Variants in ST6GAL1 observed in about 807,000 individuals in gnomAD.
ST6GAL1 encodes beta-galactoside alpha-2,6-sialyltransferase 1.
In ST6GAL1, 20 loss-of-function variants were observed where a neutral mutation model predicts 38.0. That is an observed-to-expected ratio of 0.53 (90% CI 0.37 to 0.77). The LOEUF (loss-of-function observed/expected upper bound fraction) is 0.77, where lower values mean the gene tolerates loss of function less well. Ranked by LOEUF, ST6GAL1 falls within the 30% of genes least tolerant of loss-of-function variation. The pLI, the probability that ST6GAL1 is intolerant of heterozygous loss-of-function variation, is 0.00. For missense variants in ST6GAL1, 432 were observed against 496.4 expected, an observed-to-expected ratio of 0.87 and a Z score of 1.23; for synonymous variants, 196 against 188.2, an observed-to-expected ratio of 1.04 and a Z score of -0.34.
At chr3:186,940,288 GT>G (rs58481671) in intron 1 of ST6GAL1, among the ~76,000 whole-genome samples, 59,415 of 150,630 alleles carry the variant, frequency 0.39, 12,395 homozygotes, top group South Asian at 0.56. Flanking sequence ...AAATGAAATG[GT>G]TTTTTTTTTA....
chr3:186,987,202 A>G (rs187047854), intron 2 of ST6GAL1, among the ~76,000 whole-genome samples: 3,794 of 128,296 alleles, frequency 0.03, 65 homozygotes, highest in Non-Finnish European at 0.035. Context: ...GAGGGAGGGA[A>G]GGAAAGAAAA....
At chr3:187,063,074 T>G (rs1176063159) in intron 5 of ST6GAL1, among the ~76,000 whole-genome samples, 1 of 152,254 alleles carries the variant, frequency 6.6e-6, no homozygotes, top group Non-Finnish European at 1.5e-5. Flanking sequence ...GCTGAATACT[T>G]AAAGTTGCTA....
intron 2 of ST6GAL1, among the ~76,000 whole-genome samples, chr3:186,967,270 C>T (rs1715170997): frequency 1.3e-5 from 2 of 152,204 alleles, no homozygotes; most frequent in South Asian, 2.1e-4. Flanking sequence ...CAGCTCACTG[C>T]AACCTCCGCC....
At chr3:187,055,271 AT>A (rs1208491730) in intron 5 of ST6GAL1, among the ~76,000 whole-genome samples, 1 of 147,200 alleles carries the variant, frequency 6.8e-6, no homozygotes, top group Admixed American at 6.8e-5. Flanking sequence ...GGATTCATTG[AT>A]TTTTTTGAAG....
At chr3:186,962,067 G>A (rs1175951960) in intron 1 of ST6GAL1, among the ~76,000 whole-genome samples, 3 of 152,178 alleles carry the variant, frequency 2.0e-5, no homozygotes, top group Admixed American at 6.5e-5. Flanking sequence ...CAAAGTGCCC[G>A]AAGCCTCAAG....
In ST6GAL1 at chr3:187,041,141, T is replaced by C. The variant is rs535792039; in HGVS notation, c.-50-1513T>C. The stretch of plus-strand genomic sequence containing the variant: ...TCTAGTTCAAATCCAATGAATACCA[T>C]GCTCTTGTTTTGCCCTCCCAACACT... On this transcript the variant is annotated intron_variant, in intron 3 of 7. Transcript: ENST00000169298. 8.5e-5 allele frequency among the ~76,000 whole-genome samples: 13 copies of C among 152,308 alleles called. No individual in the cohort carries two copies. The South Asian group carries it at 2.3e-3, about 27-fold the overall frequency.
At position 187,076,803 on chromosome 3, in the gene ST6GAL1, A is replaced by G. The variant is rs1165671515; in HGVS notation, c.*1000A>G. ...TATTTTTTTAGGAAACCTCCTACCCATGTCTGAGGTAGCAAGTGCAGCCTC... is the reference window on the plus strand; with the variant it reads ...TATTTTTTTAGGAAACCTCCTACCCGTGTCTGAGGTAGCAAGTGCAGCCTC... On this transcript the variant is annotated 3_prime_UTR_variant, in exon 8 of 8. Coordinates refer to ENST00000169298, the MANE Select transcript of ST6GAL1 (RefSeq NM_173216.2). 2 of 398,868 alleles carry G rather than the reference A, an allele frequency of 5.0e-6. No individual in the cohort carries two copies. Among genetic ancestry groups the G allele is most frequent in the Non-Finnish European group, 8.8e-6 (2 of 226,046 alleles). The allele number at this position is 398,868 out of a possible 1,614,324, so 24.7% of individuals were successfully genotyped here.
At chr3:186,956,238 C>T (rs1714745912) in intron 1 of ST6GAL1, among the ~76,000 whole-genome samples, 3 of 152,096 alleles carry the variant, frequency 2.0e-5, no homozygotes, top group Admixed American at 6.5e-5. Context: ...CACAAACAAG[C>T]CCTTATCTGC....
chr3:186,941,367 C>T (rs1714165520), intron 1 of ST6GAL1, among the ~76,000 whole-genome samples: 1 of 152,152 alleles, frequency 6.6e-6, no homozygotes, highest in African/African-American at 2.4e-5. Context: ...TGTTATGCTT[C>T]CCTGGGTCCC....
At chr3:186,997,507 A>G (rs1007133537) in intron 2 of ST6GAL1, among the ~76,000 whole-genome samples, 7 of 152,096 alleles carry the variant, frequency 4.6e-5, no homozygotes, top group Admixed American at 4.6e-4. Context: ...ATGCCTCCCA[A>G]CATTTTGAGA....
intron 4 of ST6GAL1, among the ~76,000 whole-genome samples, chr3:187,049,594 A>G (rs1457568952): frequency 2.6e-5 from 4 of 152,242 alleles, no homozygotes; most frequent in Non-Finnish European, 4.4e-5. Flanking sequence ...AGGCCACAGT[A>G]GACCTGGGGT....
chr3:187,010,912 C>CT (rs1485752336), intron 2 of ST6GAL1, among the ~76,000 whole-genome samples: 3 of 152,144 alleles, frequency 2.0e-5, no homozygotes, highest in Admixed American at 2.0e-4. Context: ...TTTAACTAGA[C>CT]CCCCCTCCCC....
At chr3:186,976,433 T>C (rs76136799) in intron 2 of ST6GAL1, among the ~76,000 whole-genome samples, 1 of 147,020 alleles carries the variant, frequency 6.8e-6, no homozygotes, top group South Asian at 2.1e-4. Flanking sequence ...TATTTCATTC[T>C]TTTTTTTTTT....
chr3:187,015,532 T>C (rs1413874728), intron 2 of ST6GAL1, among the ~76,000 whole-genome samples: 1 of 152,154 alleles, frequency 6.6e-6, no homozygotes, highest in Non-Finnish European at 1.5e-5. Context: ...ATCATCTTAG[T>C]ACAGGCATTA....
At chr3:187,004,079 A>C (rs3864109) in intron 2 of ST6GAL1, among the ~76,000 whole-genome samples, 1 of 151,914 alleles carries the variant, frequency 6.6e-6, no homozygotes, top group African/African-American at 2.4e-5. Flanking sequence ...GTGAGTTCTC[A>C]TGAGATCTGG....
intron 2 of ST6GAL1, chr3:186,996,535 G>C (rs1348928011): frequency 6.6e-6 from 1 of 152,154 alleles, no homozygotes; most frequent in Non-Finnish European, 1.5e-5. Context: ...GGAGGGTTAC[G>C]CATTTGCTGC....
intron 5 of ST6GAL1, among the ~76,000 whole-genome samples, chr3:187,054,832 T>A (rs9968113): frequency 0.29 from 43,732 of 152,128 alleles, 7,215 homozygotes; most frequent in South Asian, 0.38. Context: ...TAGGGAGGAT[T>A]CCCTCTTTTT....
chr3:187,048,826 C>A lies in ST6GAL1; in HGVS notation c.608-2423C>A, dbSNP rs568141811. On this transcript the variant is annotated intron_variant, in intron 4 of 7. Coordinates refer to ENST00000169298, the MANE Select transcript of ST6GAL1 (RefSeq NM_173216.2). ...CTGTGCTGGATGTTCTCCAGTGGCACCTCCAAATCCCACTCTCACCCTTTT... is the reference window on the plus strand; with the variant it reads ...CTGTGCTGGATGTTCTCCAGTGGCAACTCCAAATCCCACTCTCACCCTTTT... Among the ~76,000 whole-genome samples, 24 of 151,854 alleles carry A rather than the reference C, an allele frequency of 1.6e-4. No homozygotes were observed. The South Asian group carries it at 5.0e-3, about 32-fold the overall frequency.
intron 3 of ST6GAL1, among the ~76,000 whole-genome samples, chr3:187,039,234 G>T (rs1579348020): frequency 6.6e-6 from 1 of 152,208 alleles, no homozygotes; most frequent in African/African-American, 2.4e-5. Flanking sequence ...TGCCGGTTCA[G>T]TGTTGGCCAG....
Sources: allele counts gnomAD v4.1 joint callset (sites outside exome capture counted in the v4.1 genomes callset), GRCh38; gene constraint gnomAD v4.1.1; transcripts MANE v1.5; gene names NCBI Gene and HGNC (gene_info 2026-07-23, HGNC 2026-07-21).